RYR2: variants seen among roughly 807,000 people sequenced by gnomAD.
RYR2 encodes the protein cardiac muscle ryanodine receptor-calcium release channel.
Under a neutral mutation model 601.1 loss-of-function variants are expected in RYR2, and 227 were observed. That is an observed-to-expected ratio of 0.38 (90% CI 0.34 to 0.42). The LOEUF (loss-of-function observed/expected upper bound fraction) is 0.42, where lower values mean the gene tolerates loss of function less well. RYR2 is among the 10% of genes least tolerant of loss of function. The probability of loss-of-function intolerance (pLI) is 1.00; values close to 1 mark genes in which losing one functional copy is unlikely to be tolerated. For synonymous variants in RYR2, 2,223 were observed against 2,175.1 expected, an observed-to-expected ratio of 1.02 and a Z score of -0.61; for missense variants, 4,646 against 6,156.5, an observed-to-expected ratio of 0.75 and a Z score of 8.21.
chr1:237,814,134 A>G (rs1383513167), intron 100 of RYR2, among the ~76,000 whole-genome samples: 2 of 152,244 alleles, frequency 1.3e-5, no homozygotes, highest in African/African-American at 4.8e-5. Context: ...TCTTACCAGT[A>G]CTTGTGCAGG....
At chr1:237,743,719 GA>G in intron 80 of RYR2, 1 of 456,582 alleles carries the variant, frequency 2.2e-6, no homozygotes, top group Non-Finnish European at 4.4e-6. Context: ...ATTCTTTTGT[GA>G]AAAGGAGGTC....
At chr1:237,077,861 G>A (rs9428657) in intron 1 of RYR2, among the ~76,000 whole-genome samples, 86,193 of 128,534 alleles carry the variant, frequency 0.67, 25,500 homozygotes, top group Non-Finnish European at 0.77. Flanking sequence ...TCCAAAATTG[G>A]CCACATAGTT....
At chr1:237,105,457 A>G (rs373956068) in intron 1 of RYR2, among the ~76,000 whole-genome samples, 21 of 152,066 alleles carry the variant, frequency 1.4e-4, no homozygotes, top group Non-Finnish European at 2.5e-4. Context: ...AGCATTTTGG[A>G]AGGCCAAGAC....
intron 33 of RYR2, among the ~76,000 whole-genome samples, chr1:237,594,709 T>A: frequency 6.6e-6 from 1 of 151,904 alleles, no homozygotes; most frequent in East Asian, 2.0e-4. Context: ...CTTTTTGTTC[T>A]TTCCCTTCTG....
intron 1 of RYR2, among the ~76,000 whole-genome samples, chr1:237,126,285 A>C (rs1464188094): frequency 6.6e-6 from 1 of 151,670 alleles, no homozygotes; most frequent in African/African-American, 2.4e-5. Context: ...TGTGGTGGCC[A>C]TGGAGGTGTG....
rs1212219236 is a variant in RYR2, at chr1:237,208,974, A to ATGTATG, written c.49-61522_49-61521insGTATGT. On this transcript the variant is annotated intron_variant, in intron 1 of 104. Coordinates refer to ENST00000366574, the MANE Select transcript of RYR2 (RefSeq NM_001035.3). The stretch of plus-strand genomic sequence containing the variant: ...TATATATATATATATATATATATAT[A>ATGTATG]TATATATATATGTATACTGTAATTG... Among the ~76,000 whole-genome samples the ATGTATG allele has an allele frequency of 1.0e-4, 10 of 96,098 alleles. 1 individual carries two copies. Among genetic ancestry groups the ATGTATG allele is most frequent in the African/African-American group, 3.4e-4 (10 of 29,092 alleles). The allele number at this position is 96,098 out of a possible 152,430, so 63.0% of individuals were successfully genotyped here.
chr1:237,831,839 GTTC>G lies in RYR2; in HGVS notation c.14808+277_14808+279del, dbSNP rs1307508721. On this transcript the variant is annotated intron_variant, in intron 104 of 104. Coordinates refer to ENST00000366574, the MANE Select transcript of RYR2 (RefSeq NM_001035.3). ...GAATTCCATTATTTTGAAAAATTGA[GTTC>G]TTAATTATTGCATAATGTCTTTGTT... is the stretch of plus-strand genomic sequence containing the variant. Among the ~76,000 whole-genome samples, 8 of 132,790 alleles carry G rather than the reference GTTC, an allele frequency of 6.0e-5. No homozygotes were observed. The East Asian group carries it at 7.1e-4, about 12-fold the overall frequency. The allele number at this position is 132,790 out of a possible 152,430, so 87.1% of individuals were successfully genotyped here.
chr1:237,084,572 G>C (rs187063602), intron 1 of RYR2, among the ~76,000 whole-genome samples: 1 of 152,098 alleles, frequency 6.6e-6, no homozygotes, highest in African/African-American at 2.4e-5. Context: ...ATGGAAAGGC[G>C]GGGGAGGGGT....
At chr1:237,535,856 A>T (rs1668562908) in intron 25 of RYR2, among the ~76,000 whole-genome samples, 1 of 152,250 alleles carries the variant, frequency 6.6e-6, no homozygotes, top group Non-Finnish European at 1.5e-5. Flanking sequence ...CAATGTATTT[A>T]GAAATAAATA....
Position 237,595,533 on chromosome 1 carries a change from G to A in RYR2, c.4472G>A (p.Gly1491Asp). ...AGCAACTGCTATATGGTATGTGCGG[G>A]TGAGAGCATGAGCCCCGGGCAAGGA... ...KRSNCYMVCA[G>D]ESMSPGQGRN... Residue 1491 changes from glycine to aspartate, a missense_variant, in exon 34 of 105, where the codon GGT (glycine) becomes GAT (aspartate). By Grantham distance (94) the Gly-to-Asp change is moderately conservative. Coordinates refer to ENST00000366574, the MANE Select transcript of RYR2 (RefSeq NM_001035.3). 1 of 1,613,572 alleles carries A rather than the reference G, an allele frequency of 6.2e-7. No homozygotes were observed. Among genetic ancestry groups the A allele is most frequent in the Non-Finnish European group, 8.5e-7 (1 of 1,179,698 alleles).
At chr1:237,078,807 G>A (rs1227398989) in intron 1 of RYR2, among the ~76,000 whole-genome samples, 1 of 101,812 alleles carries the variant, frequency 9.8e-6, no homozygotes, top group Non-Finnish European at 2.1e-5. Context: ...TACCAAAGCT[G>A]GGCAGAGACA....
intron 71 of RYR2, among the ~76,000 whole-genome samples, chr1:237,716,674 G>A (rs534852908): frequency 2.0e-5 from 3 of 152,008 alleles, no homozygotes; most frequent in Non-Finnish European, 2.9e-5. Context: ...TCTACTAGAC[G>A]GGGACTGAGG....
chr1:237,619,637 T>C (rs1169982104), intron 38 of RYR2, among the ~76,000 whole-genome samples: 1 of 152,082 alleles, frequency 6.6e-6, no homozygotes. Context: ...GTACATTCCG[T>C]ATAGGATAAA....
At chr1:237,318,315 C>G (rs1695304700) in intron 2 of RYR2, among the ~76,000 whole-genome samples, 1 of 152,072 alleles carries the variant, frequency 6.6e-6, no homozygotes. Context: ...CATATATGTT[C>G]CAAACCCAAT....
At chr1:237,638,056 GAT>G (rs1476467426) in intron 44 of RYR2, among the ~76,000 whole-genome samples, 1 of 151,012 alleles carries the variant, frequency 6.6e-6, no homozygotes, top group Non-Finnish European at 1.5e-5. Flanking sequence ...GCCCTGGGCA[GAT>G]ATGTTTGTGG....
intron 100 of RYR2, among the ~76,000 whole-genome samples, chr1:237,811,163 T>G (rs1265852590): frequency 6.6e-6 from 1 of 152,200 alleles, no homozygotes; most frequent in Admixed American, 6.5e-5. Flanking sequence ...CCTTCAGTTA[T>G]TCCCACAATT....
At chr1:237,400,648 A>G (rs892088384) in intron 10 of RYR2, among the ~76,000 whole-genome samples, 1 of 152,216 alleles carries the variant, frequency 6.6e-6, no homozygotes, top group Non-Finnish European at 1.5e-5. Flanking sequence ...TATATTCATA[A>G]TAATAGTAGA....
chr1:237,616,452 G>T (rs2148608555), intron 37 of RYR2, among the ~76,000 whole-genome samples: 1 of 152,266 alleles, frequency 6.6e-6, no homozygotes, highest in East Asian at 1.9e-4. Flanking sequence ...TGGTACAGCA[G>T]TTCAATGATC....
chr1:237,435,595 T>C (rs10925414), intron 12 of RYR2, among the ~76,000 whole-genome samples: 85,836 of 151,976 alleles, frequency 0.56, 24,836 homozygotes, highest in East Asian at 0.71. Context: ...AATTCAGTTA[T>C]AGTTGTATGC....
Sources: gnomAD v4.1 joint callset for allele counts (sites outside exome capture counted in the v4.1 genomes callset) on GRCh38, gnomAD v4.1.1 for gene constraint, MANE v1.5 for transcripts, NCBI Gene and HGNC (gene_info 2026-07-23, HGNC 2026-07-21) for gene names.